HDAC4: variants seen among roughly 807,000 people sequenced by gnomAD.
HDAC4 encodes the protein histone deacetylase 4.
HDAC4 carries 16 observed loss-of-function variants against 135.1 expected under a neutral mutation model. That is an observed-to-expected ratio of 0.12 (90% confidence interval 0.08 to 0.18). The LOEUF (loss-of-function observed/expected upper bound fraction) is 0.18, where lower values mean the gene tolerates loss of function less well. HDAC4 is among the 10% of genes least tolerant of loss of function. HDAC4 has a pLI of 1.00. For synonymous variants in HDAC4, 685 were observed against 653.4 expected (o/e 1.05, Z -0.74); for missense variants, 1,143 against 1,511.8 (o/e 0.76, Z 4.05).
At chr2:239,351,398 A>G (rs1693146694) in intron 2 of HDAC4, among the ~76,000 whole-genome samples, 1 of 152,134 alleles carries the variant, frequency 6.6e-6, no homozygotes, top group Non-Finnish European at 1.5e-5. Context: ...ATAGAATTAT[A>G]CTCTATGAAA....
At chr2:239,164,848 G>A (rs2152974294) in intron 5 of HDAC4, among the ~76,000 whole-genome samples, 1 of 152,294 alleles carries the variant, frequency 6.6e-6, no homozygotes, top group South Asian at 2.1e-4. Flanking sequence ...ACTTGCTTAG[G>A]ACATCTTGGC....
chr2:239,211,903 T>G (rs931195937), intron 3 of HDAC4, among the ~76,000 whole-genome samples: 9 of 152,184 alleles, frequency 5.9e-5, no homozygotes, highest in African/African-American at 2.2e-4. Flanking sequence ...AGGAGCTTCC[T>G]CGAGAGCAGT....
chr2:239,280,373 T>C (rs562854731), intron 2 of HDAC4, among the ~76,000 whole-genome samples: 1 of 152,164 alleles, frequency 6.6e-6, no homozygotes, highest in South Asian at 2.1e-4. Context: ...CGAAGAACAT[T>C]AGAGGAATAC....
intron 12 of HDAC4, among the ~76,000 whole-genome samples, chr2:239,124,702 T>A (rs13000117): frequency 1.8e-4 from 9 of 49,512 alleles, no homozygotes; most frequent in East Asian, 1.7e-3. Context: ...TGACATTCCA[T>A]GTTATGTGAC....
chr2:239,323,756 C>A (rs1242614880), intron 2 of HDAC4, among the ~76,000 whole-genome samples: 4 of 151,802 alleles, frequency 2.6e-5, no homozygotes, highest in Non-Finnish European at 5.9e-5. Flanking sequence ...AAAAAGCATC[C>A]CCTGTCACGG....
chr2:239,368,201 C>T (rs180929632), intron 1 of HDAC4, among the ~76,000 whole-genome samples: 5 of 152,206 alleles, frequency 3.3e-5, no homozygotes, highest in Admixed American at 1.3e-4. Flanking sequence ...TGAAGGGCTC[C>T]GGAGTTTGAG....
chr2:239,345,875 C>T (rs111162889), intron 2 of HDAC4, among the ~76,000 whole-genome samples: 1 of 147,956 alleles, frequency 6.8e-6, no homozygotes, highest in Non-Finnish European at 1.5e-5. Flanking sequence ...CCCTAACACA[C>T]ATACACACCG....
At chr2:239,399,789 T>C (rs1385133694) in intron 1 of HDAC4, among the ~76,000 whole-genome samples, 2 of 152,242 alleles carry the variant, frequency 1.3e-5, no homozygotes, top group Non-Finnish European at 2.9e-5. Context: ...TAGGTAGGTC[T>C]CTACAGTCAT....
chr2:239,078,438 G>C (rs1166255091), intron 22 of HDAC4, among the ~76,000 whole-genome samples: 2 of 152,120 alleles, frequency 1.3e-5, no homozygotes, highest in African/African-American at 2.4e-5. Flanking sequence ...GCAGAAGAAA[G>C]GGGAAAACCA....
At chr2:239,282,548 TACACACCACTCTACACACAATGA>T (rs1414710656) in intron 2 of HDAC4, among the ~76,000 whole-genome samples, 6 of 139,454 alleles carry the variant, frequency 4.3e-5, no homozygotes, top group Non-Finnish European at 9.2e-5. Flanking sequence ...ACTCTCAATG[TACACACCACTCTACACACAATGA>T]ACACACCACT....
At chr2:239,348,432 A>T (rs1692875960) in intron 2 of HDAC4, among the ~76,000 whole-genome samples, 1 of 152,226 alleles carries the variant, frequency 6.6e-6, no homozygotes, top group Admixed American at 6.5e-5. Context: ...GCCAAGTAAC[A>T]ACGTCTGCCT....
At chr2:239,153,718 TC>T (rs1403050297) in intron 7 of HDAC4, among the ~76,000 whole-genome samples, 1 of 152,222 alleles carries the variant, frequency 6.6e-6, no homozygotes, top group Non-Finnish European at 1.5e-5. Context: ...AATTCTCTCT[TC>T]CGTTCTCAAG....
intron 2 of HDAC4, among the ~76,000 whole-genome samples, chr2:239,242,582 G>A (rs1163834901): frequency 6.6e-6 from 1 of 152,132 alleles, no homozygotes; most frequent in Non-Finnish European, 1.5e-5. Context: ...ATCAGGTCAC[G>A]TACAAATAAT....
chr2:239,229,633 T>G, intron 3 of HDAC4, among the ~76,000 whole-genome samples: 1 of 152,132 alleles, frequency 6.6e-6, no homozygotes, highest in East Asian at 1.9e-4. Flanking sequence ...GCAACACATG[T>G]AAGGTATATA....
At chr2:239,353,994 A>G (rs1441360593) in intron 1 of HDAC4, among the ~76,000 whole-genome samples, 2 of 152,164 alleles carry the variant, frequency 1.3e-5, no homozygotes, top group Non-Finnish European at 2.9e-5. Flanking sequence ...CCATTTTCTC[A>G]GGTTTTCATT....
At chr2:239,160,902 T>C (rs959541002) in intron 6 of HDAC4, among the ~76,000 whole-genome samples, 2 of 152,360 alleles carry the variant, frequency 1.3e-5, no homozygotes, top group African/African-American at 2.4e-5. Flanking sequence ...CCACGTGTGA[T>C]TCAGATTCCA....
At position 239,146,348 on chromosome 2, in the gene HDAC4, G is replaced by A. The variant is rs545764618; in HGVS notation, c.734-1634C>T. ...CACATGGGCTCTGCAGGGATTCCCC[G>A]GGCCTGGGACAGGAGCCACTTCTGA... On this transcript the variant is annotated intron_variant, in intron 7 of 26. Transcript: ENST00000543185. The surrounding 1 kb of genome is among the most constrained non-coding windows in gnomAD (Gnocchi z 4.5). 9.2e-5 allele frequency among the ~76,000 whole-genome samples: 14 copies of A among 152,324 alleles called. No homozygotes were observed. Among genetic ancestry groups the A allele is most frequent in the African/African-American group, 2.4e-4 (10 of 41,582 alleles).
In HDAC4 at chr2:239,285,573, G is replaced by T. The variant is rs1289556711; in HGVS notation, c.23-48909C>A. 6.6e-6 allele frequency among the ~76,000 whole-genome samples: 1 copy of T among 152,152 alleles called. No homozygotes were observed. The highest frequency in any genetic ancestry group is 1.5e-5 in the Non-Finnish European group (1 of 68,034). The stretch of plus-strand genomic sequence containing the variant: ...GGGGCTGAGAGAAAGCTGGCCAAAG[G>T]TTGGGCTTTTGAAGTACTAGAAACT... On this transcript the variant is annotated intron_variant, in intron 2 of 26. Coordinates refer to ENST00000543185, the MANE Select transcript of HDAC4 (RefSeq NM_001378414.1). The surrounding 1 kb of genome is among the most constrained non-coding windows in gnomAD (Gnocchi z 4.5).
At chr2:239,103,029 G>A in intron 15 of HDAC4, 133 bp from the exon 16 acceptor site, 1 of 1,083,198 alleles carries the variant, frequency 9.2e-7, no homozygotes. Flanking sequence ...ATGTTATTTG[G>A]TTACTGCAAA....
Sources: allele counts gnomAD v4.1 joint callset (sites outside exome capture counted in the v4.1 genomes callset), GRCh38; gene constraint gnomAD v4.1.1; non-coding constraint Gnocchi (gnomAD v3.1); transcripts MANE v1.5; gene names NCBI Gene and HGNC (gene_info 2026-07-23, HGNC 2026-07-21).